Variants in C12orf42 observed in about 807,000 individuals in gnomAD.
C12orf42 encodes chromosome 12 open reading frame 42.
Under a neutral mutation model 21.6 loss-of-function variants are expected in C12orf42, and 25 were observed. The observed-to-expected ratio is 1.16, with a 90% CI of 0.84 to 1.62. The LOEUF (loss-of-function observed/expected upper bound fraction) is 1.62. C12orf42 is among the 40% of genes most tolerant of loss of function. The pLI is 0.00. For missense variants in C12orf42, 483 were observed against 459.3 expected (o/e 1.05, Z -0.47); for synonymous variants, 174 against 175.0 (o/e 0.99, Z 0.05).
At chr12:103,098,143 A>T in the C12orf42 span, among the ~76,000 whole-genome samples, 1 of 152,234 alleles carries the variant, frequency 6.6e-6, no homozygotes, top group Non-Finnish European at 1.5e-5. Context: ...CTGCCAAAGG[A>T]TGCAAGGTAA....
chr12:103,492,252 C>A (rs1319442042), intron 1 of C12orf42, among the ~76,000 whole-genome samples: 1 of 152,252 alleles, frequency 6.6e-6, no homozygotes, highest in Non-Finnish European at 1.5e-5. Flanking sequence ...GCCACCGCAC[C>A]TGGCCCTCAT....
the C12orf42 span, among the ~76,000 whole-genome samples, chr12:103,205,387 T>A: frequency 6.6e-6 from 1 of 152,174 alleles, no homozygotes; most frequent in Non-Finnish European, 1.5e-5. Flanking sequence ...TCTTACATGG[T>A]GGCAGGCAAG....
Position 103,302,428 on chromosome 12 carries a change from G to A in C12orf42, c.763C>T (p.Gln255Ter). 2 of 1,613,900 alleles carry A rather than the reference G, an allele frequency of 1.2e-6. No homozygotes were observed. The highest frequency in any genetic ancestry group is 2.2e-5 in the South Asian group (2 of 91,082). The part of the protein sequence containing the change: ...EERMAVPAGA[Q>*]AHPDDIQSRL... ...CTTTGGATGTCGTCGGGGTGTGCCTGAGCGCCTGCTGGGACTGCCATCCTC... is the reference window on the plus strand; with the variant it reads ...CTTTGGATGTCGTCGGGGTGTGCCTAAGCGCCTGCTGGGACTGCCATCCTC... The change falls in exon 6 of 6, where the codon CAG (glutamine) becomes TAG (stop). Residue 255 changes from glutamine (Q) to a stop codon, truncating the protein, a stop_gained. Coordinates refer to ENST00000548883, the MANE Select transcript of C12orf42 (RefSeq NM_198521.5). LOFTEE classifies it low-confidence loss of function (END_TRUNC).
At chr12:103,366,682 A>G (rs576189556) in intron 4 of C12orf42, among the ~76,000 whole-genome samples, 1 of 152,104 alleles carries the variant, frequency 6.6e-6, no homozygotes, top group Non-Finnish European at 1.5e-5. Context: ...AAAGATATAC[A>G]AATGGCCAAC....
At chr12:103,162,170 T>C in the C12orf42 span, among the ~76,000 whole-genome samples, 16 of 152,218 alleles carry the variant, frequency 1.1e-4, no homozygotes, top group Non-Finnish European at 2.2e-4. Flanking sequence ...GCCTTTGTCC[T>C]ATGTCCCTTG....
At chr12:103,293,888 C>A in intron 4 of C12orf42, among the ~76,000 whole-genome samples, 1 of 152,216 alleles carries the variant, frequency 6.6e-6, no homozygotes, top group Non-Finnish European at 1.5e-5. Context: ...ACGACTGTGG[C>A]TAAAGGATTA....
chr12:103,066,508 G>A, the C12orf42 span, among the ~76,000 whole-genome samples: 1 of 152,212 alleles, frequency 6.6e-6, no homozygotes, highest in South Asian at 2.1e-4. Context: ...CGATATGCAG[G>A]CACCATTCAA....
the C12orf42 span, among the ~76,000 whole-genome samples, chr12:103,517,404 T>G: frequency 2.0e-5 from 3 of 152,242 alleles, no homozygotes; most frequent in East Asian, 5.8e-4. Flanking sequence ...GCAGCCTGGA[T>G]GACTTACCCA....
chr12:103,294,007 G>T (rs149174753), intron 4 of C12orf42, among the ~76,000 whole-genome samples: 108 of 152,208 alleles, frequency 7.1e-4, no homozygotes, highest in African/African-American at 2.6e-3. Context: ...AACACATTCA[G>T]CACATAGCAG....
chr12:103,415,213 A>G (rs1487846867), intron 2 of C12orf42, among the ~76,000 whole-genome samples: 1 of 152,206 alleles, frequency 6.6e-6, no homozygotes, highest in Non-Finnish European at 1.5e-5. Flanking sequence ...GTACAATCTA[A>G]TAAGAAGCCT....
the C12orf42 span, among the ~76,000 whole-genome samples, chr12:103,188,562 C>T: frequency 6.6e-6 from 1 of 152,138 alleles, no homozygotes; most frequent in Admixed American, 6.5e-5. Context: ...GGAGAAGGGC[C>T]TAGTGGGAGG....
the C12orf42 span, among the ~76,000 whole-genome samples, chr12:103,204,035 G>A: frequency 1.3e-5 from 2 of 152,164 alleles, no homozygotes; most frequent in Non-Finnish European, 2.9e-5. Context: ...AAACCAGCAA[G>A]ATGTACAAGT....
intron 4 of C12orf42, among the ~76,000 whole-genome samples, chr12:103,292,734 C>G (rs1285635084): frequency 6.6e-6 from 1 of 151,934 alleles, no homozygotes; most frequent in African/African-American, 2.4e-5. Flanking sequence ...ATCTCCATTT[C>G]AATTTTAAAG....
chr12:103,079,881 A>G, the C12orf42 span, among the ~76,000 whole-genome samples: 13 of 152,322 alleles, frequency 8.5e-5, no homozygotes, highest in East Asian at 2.5e-3. Context: ...AGTTAGTCAT[A>G]TTGCTAACTT....
At chr12:103,254,964 T>C (rs1232805475) in intron 10 of C12orf42, among the ~76,000 whole-genome samples, 1 of 152,214 alleles carries the variant, frequency 6.6e-6, no homozygotes, top group Non-Finnish European at 1.5e-5. Context: ...TCATGCATCC[T>C]TCAAAAAATA....
intron 3 of C12orf42, among the ~76,000 whole-genome samples, chr12:103,393,610 T>C (rs914732884): frequency 1.1e-4 from 16 of 152,202 alleles, no homozygotes; most frequent in African/African-American, 3.9e-4. Context: ...AGTATCACTA[T>C]CACTATCTGG....
At chr12:103,297,041 G>A (rs994661148), downstream of C12orf42, among the ~76,000 whole-genome samples, 24 of 152,130 alleles carry the variant, frequency 1.6e-4, no homozygotes, top group African/African-American at 5.6e-4. Flanking sequence ...TTTGTATAAG[G>A]TGTAAGGAAG....
intron 3 of C12orf42, among the ~76,000 whole-genome samples, chr12:103,400,416 T>C (rs950403264): frequency 1.3e-5 from 2 of 152,192 alleles, no homozygotes; most frequent in Admixed American, 6.5e-5. Context: ...TGTGGAATAG[T>C]AGTAACAAAG....
At chr12:103,127,460 T>C in the C12orf42 span, among the ~76,000 whole-genome samples, 5 of 152,208 alleles carry the variant, frequency 3.3e-5, no homozygotes, top group South Asian at 1.0e-3. Flanking sequence ...TAAGAGTATA[T>C]TGCTTGCATA....
Sources: gnomAD v4.1 joint callset for allele counts (sites outside exome capture counted in the v4.1 genomes callset) on GRCh38, gnomAD v4.1.1 for gene constraint, MANE v1.5 for transcripts, NCBI Gene and HGNC (gene_info 2026-07-23, HGNC 2026-07-21) for gene names.